Variants in LRMDA observed in about 807,000 individuals in gnomAD.
LRMDA encodes the protein leucine rich melanocyte differentiation associated.
In LRMDA, 18 loss-of-function variants were observed where a neutral mutation model predicts 29.8. The ratio of observed to expected loss-of-function variants is 0.60; its 90% CI spans 0.42 to 0.90. The LOEUF (loss-of-function observed/expected upper bound fraction) is 0.90, where lower values mean the gene tolerates loss of function less well. Ranked by LOEUF, LRMDA falls within the 40% of genes least tolerant of loss-of-function variation. The pLI, the probability that LRMDA is intolerant of heterozygous loss-of-function variation, is 0.00. For synonymous variants in LRMDA, 125 were observed against 109.4 expected, an observed-to-expected ratio of 1.14 and a Z score of -0.89; for missense variants, 273 against 273.9, an observed-to-expected ratio of 1.00 and a Z score of 0.02.
At chr10:76,101,450 T>G (rs1849392921) in intron 5 of LRMDA, among the ~76,000 whole-genome samples, 2 of 152,146 alleles carry the variant, frequency 1.3e-5, no homozygotes, top group African/African-American at 4.8e-5. Context: ...TTTAAAAAAT[T>G]TTATTGCCAG....
At chr10:75,692,579 G>A (rs1361130022) in intron 2 of LRMDA, among the ~76,000 whole-genome samples, 1 of 136,176 alleles carries the variant, frequency 7.3e-6, no homozygotes, top group African/African-American at 3.4e-5. Flanking sequence ...GTGTGTGTGT[G>A]TGTGTGTGTG....
At chr10:76,294,530 A>G (rs1240453178) in intron 5 of LRMDA, among the ~76,000 whole-genome samples, 1 of 152,190 alleles carries the variant, frequency 6.6e-6, no homozygotes, top group East Asian at 1.9e-4. Context: ...TGACCTAGTA[A>G]ACATTTTTAT....
chr10:75,736,635 C>G (rs1230136223), intron 2 of LRMDA, among the ~76,000 whole-genome samples: 1 of 152,136 alleles, frequency 6.6e-6, no homozygotes, highest in Non-Finnish European at 1.5e-5. Flanking sequence ...TAGAAACACT[C>G]AATTGAATTT....
chr10:75,962,952 T>C (rs1029805396), intron 2 of LRMDA, among the ~76,000 whole-genome samples: 2 of 152,180 alleles, frequency 1.3e-5, no homozygotes, highest in Non-Finnish European at 2.9e-5. Context: ...GTATGGATTA[T>C]ACATGAAGGC....
At chr10:75,783,167 T>A (rs1216521799) in intron 2 of LRMDA, 20 of 1,097,400 alleles carry the variant, frequency 1.8e-5, no homozygotes, top group Admixed American at 2.1e-5. Flanking sequence ...TTTAACATTG[T>A]CAGTGAAGAG....
At chr10:76,361,042 C>T (rs763192519) in intron 6 of LRMDA, among the ~76,000 whole-genome samples, 35 of 152,084 alleles carry the variant, frequency 2.3e-4, no homozygotes, top group Non-Finnish European at 4.3e-4. Flanking sequence ...AGGTGGATCG[C>T]TGGACGTCAG....
chr10:76,447,420 T>C (rs1338682704), intron 6 of LRMDA, among the ~76,000 whole-genome samples: 1 of 152,220 alleles, frequency 6.6e-6, no homozygotes. Context: ...TTTTTCCTTA[T>C]TGGTTTTGAA....
chr10:75,518,675 G>A (rs1589167091), intron 2 of LRMDA, among the ~76,000 whole-genome samples: 1 of 151,936 alleles, frequency 6.6e-6, no homozygotes, highest in East Asian at 1.9e-4. Flanking sequence ...TGATTTTTTT[G>A]TAGAGTTTTT....
chr10:75,679,911 A>G (rs1842003800), intron 2 of LRMDA, among the ~76,000 whole-genome samples: 1 of 152,226 alleles, frequency 6.6e-6, no homozygotes. Context: ...AGGAAATAAA[A>G]AAAAAACCCT....
In LRMDA at chr10:76,381,101, G is replaced by A. The variant is rs1039712226; in HGVS notation, c.601+56616G>A. Among the ~76,000 whole-genome samples the A allele has an allele frequency of 4.7e-5, 6 of 128,012 alleles. No homozygotes were observed. In the South Asian group the frequency reaches 9.9e-4, roughly 21 times the overall value. The allele number at this position is 128,012 out of a possible 152,430, so 84.0% of individuals were successfully genotyped here. ...TCACCAGGGTACTTTTCCCAAGCCCGTAATGTTTTAAGACAAGCAAGCAAA... is the reference window on the plus strand; with the variant it reads ...TCACCAGGGTACTTTTCCCAAGCCCATAATGTTTTAAGACAAGCAAGCAAA... On this transcript the variant is annotated intron_variant, in intron 6 of 6. Coordinates refer to ENST00000611255, the MANE Select transcript of LRMDA (RefSeq NM_001305581.2).
At chr10:76,438,736 T>C (rs556932650) in intron 6 of LRMDA, 2 of 152,278 alleles carry the variant, frequency 1.3e-5, no homozygotes, top group South Asian at 2.1e-4. Context: ...TGGGAAGAAA[T>C]TGAAAAAATA....
chr10:75,570,214 G>T (rs758628769), intron 2 of LRMDA, among the ~76,000 whole-genome samples: 3 of 152,130 alleles, frequency 2.0e-5, no homozygotes, highest in Non-Finnish European at 4.4e-5. Flanking sequence ...GTAAATAAAT[G>T]GATTCTTCCT....
chr10:76,435,892 G>A lies in LRMDA; in HGVS notation c.601+111407G>A, dbSNP rs1323221744. 2.0e-5 allele frequency among the ~76,000 whole-genome samples: 3 copies of A among 152,320 alleles called. No individual in the cohort carries two copies. In the South Asian group the frequency reaches 6.2e-4, roughly 32 times the overall value. ...GGCAAAGGATAATGATAAAAAGACC[G>A]AACAGATGACAAAAAGAAAGCCTAC... On this transcript the variant is annotated intron_variant, in intron 6 of 6. Coordinates refer to ENST00000611255, the MANE Select transcript of LRMDA (RefSeq NM_001305581.2).
At chr10:75,500,757 A>G (rs1845103522) in intron 2 of LRMDA, among the ~76,000 whole-genome samples, 2 of 152,160 alleles carry the variant, frequency 1.3e-5, no homozygotes, top group Non-Finnish European at 2.9e-5. Flanking sequence ...GCCCTATATA[A>G]AACTGTCAGA....
intron 2 of LRMDA, among the ~76,000 whole-genome samples, chr10:75,511,045 G>A (rs1845220023): frequency 6.6e-6 from 1 of 152,114 alleles, no homozygotes; most frequent in Admixed American, 6.5e-5. Flanking sequence ...ACCTTTTATG[G>A]ATTAAAAATA....
rs942255082 is a variant in LRMDA, at chr10:75,564,534, C to A, written c.131+126040C>A. Among the ~76,000 whole-genome samples, 13 of 152,360 alleles carry A rather than the reference C, an allele frequency of 8.5e-5. No homozygotes were observed. In the East Asian group the frequency reaches 9.7e-4, roughly 11 times the overall value. On this transcript the variant is annotated intron_variant, in intron 2 of 6. Transcript: ENST00000611255. ...GCTTCAGCGCGCGCATGGTGCGCTG[C>A]ACCCACTGTCCTGCACCCACTGTCT...
intron 6 of LRMDA, among the ~76,000 whole-genome samples, chr10:76,456,745 G>A (rs1165544702): frequency 6.6e-6 from 1 of 151,460 alleles, no homozygotes; most frequent in African/African-American, 2.4e-5. Context: ...GCACTCTGAT[G>A]TGCCCAGCCT....
chr10:76,219,902 A>G (rs1851798515), intron 5 of LRMDA, among the ~76,000 whole-genome samples: 1 of 152,218 alleles, frequency 6.6e-6, no homozygotes, highest in Non-Finnish European at 1.5e-5. Context: ...AAGATCAGAA[A>G]TTATAGCAAA....
At chr10:76,274,231 C>T (rs1840102045) in intron 5 of LRMDA, among the ~76,000 whole-genome samples, 1 of 152,146 alleles carries the variant, frequency 6.6e-6, no homozygotes, top group South Asian at 2.1e-4. Context: ...TATACTTGCC[C>T]ATATTTCCTC....
Sources: allele counts gnomAD v4.1 joint callset (sites outside exome capture counted in the v4.1 genomes callset), GRCh38; gene constraint gnomAD v4.1.1; transcripts MANE v1.5; gene names NCBI Gene and HGNC (gene_info 2026-07-23, HGNC 2026-07-21).